The following CTNND2 variants were observed in gnomAD, a reference collection of about 807,000 sequenced individuals.
CTNND2 encodes the protein catenin delta 2.
A neutral mutation model predicts 144.4 loss-of-function variants in CTNND2; 22 were observed. That is an observed-to-expected ratio of 0.15 (90% CI 0.11 to 0.22). CTNND2 has a LOEUF of 0.22. Ranked by LOEUF, CTNND2 falls within the 10% of genes least tolerant of loss-of-function variation. The pLI is 1.00. For missense variants in CTNND2, 1,353 were observed against 1,618.8 expected (o/e 0.84, Z 2.82); for synonymous variants, 751 against 695.6 (o/e 1.08, Z -1.25).
intron 9 of CTNND2, among the ~76,000 whole-genome samples, chr5:11,320,217 T>C (rs116175459): frequency 1.1e-3 from 166 of 152,360 alleles, no homozygotes; most frequent in African/African-American, 3.8e-3. Context: ...CTCTCTTTTT[T>C]CTTTAGTTTC....
chr5:11,544,171 AT>A (rs373953045), intron 3 of CTNND2, among the ~76,000 whole-genome samples: 36 of 149,908 alleles, frequency 2.4e-4, no homozygotes, highest in East Asian at 4.0e-4. Flanking sequence ...TCCAAGGCAG[AT>A]TTTTTTTTTC....
In CTNND2 at chr5:11,383,737, A is replaced by G. The variant is rs61749852; in HGVS notation, c.1177+928T>C. ...GCATATGAGCACAGCATCTGTTACT[A>G]GAGTGACACAATTACCAAATCCTTC... On this transcript the variant is annotated intron_variant, in intron 7 of 21. Transcript: ENST00000304623. Among the ~76,000 whole-genome samples, 482 of 152,366 alleles carry G rather than the reference A, an allele frequency of 3.2e-3. 16 individuals are homozygous for G. In the East Asian group the frequency reaches 0.052, roughly 17 times the overall value.
At chr5:11,788,733 G>A (rs1790976709) in intron 1 of CTNND2, among the ~76,000 whole-genome samples, 1 of 151,784 alleles carries the variant, frequency 6.6e-6, no homozygotes, top group East Asian at 1.9e-4. Context: ...CAATGTGCAG[G>A]TTTGTTACAT....
chr5:10,992,697 C>T lies in CTNND2; in HGVS notation c.3085-20G>A. 6.2e-7 allele frequency: 1 copy of T among 1,612,288 alleles called. No homozygotes were observed. Among genetic ancestry groups the T allele is most frequent in the Non-Finnish European group, 8.5e-7 (1 of 1,179,322 alleles). On this transcript the variant is annotated intron_variant, in intron 18 of 21. Transcript: ENST00000304623. ...TCCATCCTGCAAAACACAGCACGCT[C>T]CTGTTAGATGGGCAAGACAGAGTGA...
At chr5:11,479,761 CTT>C (rs80069422) in intron 3 of CTNND2, among the ~76,000 whole-genome samples, 3 of 146,986 alleles carry the variant, frequency 2.0e-5, no homozygotes, top group South Asian at 2.2e-4. Flanking sequence ...TGATACTGAG[CTT>C]TTTTTTTTTC....
intron 2 of CTNND2, among the ~76,000 whole-genome samples, chr5:11,712,201 C>G (rs1786072939): frequency 6.6e-6 from 1 of 152,118 alleles, no homozygotes; most frequent in South Asian, 2.1e-4. Flanking sequence ...TTTATTAACT[C>G]AACAGGGAGA....
intron 2 of CTNND2, among the ~76,000 whole-genome samples, chr5:11,683,458 A>G (rs1784511255): frequency 1.3e-5 from 2 of 152,218 alleles, no homozygotes; most frequent in South Asian, 4.1e-4. Flanking sequence ...AATACTCATG[A>G]TCCAGTATAA....
chr5:11,167,412 T>C (rs1237825016), intron 11 of CTNND2, among the ~76,000 whole-genome samples: 1 of 152,236 alleles, frequency 6.6e-6, no homozygotes, highest in East Asian at 1.9e-4. Flanking sequence ...TGAGTTGTCC[T>C]TGACATTTGA....
chr5:11,314,247 T>C (rs1236632706), intron 9 of CTNND2, among the ~76,000 whole-genome samples: 1 of 152,192 alleles, frequency 6.6e-6, no homozygotes, highest in Admixed American at 6.5e-5. Context: ...GATTCCTGCT[T>C]GATCATTTCT....
intron 2 of CTNND2, among the ~76,000 whole-genome samples, chr5:11,620,305 A>G (rs1394150729): frequency 6.6e-6 from 1 of 152,044 alleles, no homozygotes; most frequent in Non-Finnish European, 1.5e-5. Flanking sequence ...AAGGTAACCA[A>G]TCCAGTGCCC....
chr5:11,518,760 G>T (rs1228705284), intron 3 of CTNND2, among the ~76,000 whole-genome samples: 1 of 152,118 alleles, frequency 6.6e-6, no homozygotes, highest in Non-Finnish European at 1.5e-5. Flanking sequence ...CAGGTTTATA[G>T]CCTAGGTGCA....
In CTNND2 at chr5:11,580,007, A is replaced by G. The variant is rs1778299762; in HGVS notation, c.175-14951T>C. On this transcript the variant is annotated intron_variant, in intron 2 of 21. Transcript: ENST00000304623. ...AGTCTCCTCAGAAATTAAACAGTCA[A>G]CAAAGCATGCATATCTAATAAATAC... 2.0e-5 allele frequency among the ~76,000 whole-genome samples: 3 copies of G among 152,250 alleles called. No homozygotes were observed. The South Asian group carries it at 6.2e-4, about 31-fold the overall frequency.
chr5:11,268,088 T>C (rs541386176), intron 9 of CTNND2, among the ~76,000 whole-genome samples: 20 of 152,260 alleles, frequency 1.3e-4, no homozygotes, highest in African/African-American at 4.8e-4. Flanking sequence ...TTGAAAGAAG[T>C]AGGGGTTTTT....
intron 1 of CTNND2, among the ~76,000 whole-genome samples, chr5:11,833,694 T>C (rs1165340965): frequency 6.6e-6 from 1 of 152,112 alleles, no homozygotes; most frequent in Non-Finnish European, 1.5e-5. Context: ...CAGCTAATTT[T>C]TGTATTTTTA....
rs181545390 is a variant in CTNND2, at chr5:11,817,448, A to G, written c.38-85176T>C. ...GAGAGAGAGAGAGAGAGAGAGAGAG[A>G]GAGAGAGAGAGAGAGAACTAGCGCT... On this transcript the variant is annotated intron_variant, in intron 1 of 21. Coordinates refer to ENST00000304623, the MANE Select transcript of CTNND2 (RefSeq NM_001332.4). 4.4e-3 allele frequency among the ~76,000 whole-genome samples: 191 copies of G among 43,692 alleles called. 1 individual carries two copies. Among genetic ancestry groups the G allele is most frequent in the African/African-American group, 0.013 (179 of 13,366 alleles). 28.7% of individuals were successfully genotyped at this position (43,692 alleles called of 152,430 possible). A position where few individuals can be genotyped will look rare whatever the true frequency, so the allele number is the denominator to read the frequency against.
chr5:11,072,159 C>A (rs146893659), intron 16 of CTNND2, among the ~76,000 whole-genome samples: 131 of 152,336 alleles, frequency 8.6e-4, no homozygotes, highest in African/African-American at 3.1e-3. Flanking sequence ...TTAAACTGTT[C>A]AAGTCTCAAG....
rs1057026731 is a variant in CTNND2, at chr5:11,434,929, T to C, written c.288-22860A>G. On this transcript the variant is annotated intron_variant, in intron 3 of 21. Transcript: ENST00000304623. ...AAACTGGATAACTGCAAAGAAAATA[T>C]AGCATGCACAAGTGTAACATACACA... Among the ~76,000 whole-genome samples, 7 of 152,210 alleles carry C rather than the reference T, an allele frequency of 4.6e-5. No individual in the cohort carries two copies. In the East Asian group the frequency reaches 7.7e-4, roughly 17 times the overall value.
chr5:11,130,183 C>T (rs1290514472), intron 12 of CTNND2, among the ~76,000 whole-genome samples: 1 of 151,742 alleles, frequency 6.6e-6, no homozygotes, highest in Non-Finnish European at 1.5e-5. Flanking sequence ...GGCTAAAGAC[C>T]AACTACCTAT....
chr5:11,270,310 A>T (rs1012300224), intron 9 of CTNND2, among the ~76,000 whole-genome samples: 3 of 152,168 alleles, frequency 2.0e-5, no homozygotes, highest in African/African-American at 7.2e-5. Flanking sequence ...TAGTTTATAT[A>T]ACCAGAGACA....
Sources: allele counts gnomAD v4.1 joint callset (sites outside exome capture counted in the v4.1 genomes callset), GRCh38; gene constraint gnomAD v4.1.1; transcripts MANE v1.5; gene names NCBI Gene and HGNC (gene_info 2026-07-23, HGNC 2026-07-21).